The following BRMS1L variants were observed in gnomAD, a reference collection of about 807,000 sequenced individuals.
The protein encoded by BRMS1L is BRMS1 like transcriptional repressor, also known as breast cancer metastasis-suppressor 1-like protein.
A neutral mutation model predicts 50.3 loss-of-function variants in BRMS1L; 23 were observed. The observed-to-expected ratio is 0.46, with a 90% CI of 0.33 to 0.65. The LOEUF is 0.65. Ranked by LOEUF, BRMS1L falls within the 30% of genes least tolerant of loss-of-function variation. The probability of loss-of-function intolerance (pLI) is 0.02; values close to 1 mark genes in which losing one functional copy is unlikely to be tolerated. For synonymous variants in BRMS1L, 114 were observed against 126.9 expected (o/e 0.90, Z 0.69); for missense variants, 286 against 386.1 (o/e 0.74, Z 2.17).
At chr14:35,831,589 C>A in intron 2 of BRMS1L, 89 bp downstream of exon 2, 2 of 974,678 alleles carry the variant, frequency 2.1e-6, no homozygotes. Flanking sequence ...TCAGTCTCAG[C>A]TGTTTTGTAT....
intron 6 of BRMS1L, among the ~76,000 whole-genome samples, chr14:35,864,384 C>T (rs1022059929): frequency 6.6e-6 from 1 of 152,086 alleles, no homozygotes; most frequent in Non-Finnish European, 1.5e-5. Flanking sequence ...ACCTTAGCCT[C>T]CCAAGTAGCT....
At chr14:35,827,094 A>C (rs140931690) in intron 1 of BRMS1L, among the ~76,000 whole-genome samples, 1 of 152,362 alleles carries the variant, frequency 6.6e-6, no homozygotes, top group East Asian at 1.9e-4. Flanking sequence ...TTGCAAGTCA[A>C]CTTGCCGGTC....
At position 35,871,426 on chromosome 14, in the gene BRMS1L, A is replaced by G. The variant is rs982924824; in HGVS notation, c.*949A>G. ...ATATTTTTTTCTTTGGTATTTCTAC[A>G]CTTTAAGGCCATTTGGTGCAATTTA... On this transcript the variant is annotated 3_prime_UTR_variant, in exon 10 of 10. Coordinates refer to ENST00000216807, the MANE Select transcript of BRMS1L (RefSeq NM_032352.4). 1 of 152,626 alleles carries G rather than the reference A, an allele frequency of 6.6e-6. No individual in the cohort carries two copies. Among genetic ancestry groups the G allele is most frequent in the African/African-American group, 2.4e-5 (1 of 41,444 alleles). The allele number at this position is 152,626 out of a possible 1,614,324, so 9.5% of individuals were successfully genotyped here.
At chr14:35,844,425 C>T (rs898165408) in intron 4 of BRMS1L, among the ~76,000 whole-genome samples, 1 of 152,152 alleles carries the variant, frequency 6.6e-6, no homozygotes, top group South Asian at 2.1e-4. Flanking sequence ...TCATGGCTCC[C>T]CTTGGCTAGG....
chr14:35,841,813 T>C (rs1158652532), intron 4 of BRMS1L, among the ~76,000 whole-genome samples: 1 of 152,108 alleles, frequency 6.6e-6, no homozygotes, highest in Non-Finnish European at 1.5e-5. Flanking sequence ...GGGAGTCTCT[T>C]TGTAGGTCTC....
rs1373845294 is a variant in BRMS1L at position 35,867,999 on chromosome 14, T to C, written c.821T>C (p.Ile274Thr). Residue 274 changes from isoleucine to threonine, a missense_variant, in exon 9 of 10, where the codon ATA becomes ACA. By Grantham distance (89) the Ile-to-Thr change is moderately conservative. Around this residue, in one of 5 missense-constraint regions of BRMS1L, gnomAD observed 49 missense variants for 39.1 expected, o/e 1.25. Coordinates refer to ENST00000216807, the MANE Select transcript of BRMS1L (RefSeq NM_032352.4). The stretch of plus-strand genomic sequence containing the variant: ...GAATGGTATATACGTGGACAAACAA[T>C]ATGTATTGATAAAAAAGATGAATGT... ...DGEWYIRGQT[I>T]CIDKKDECPT... 2.4e-5 allele frequency: 39 copies of C among 1,608,126 alleles called. No homozygotes were observed. The highest frequency in any genetic ancestry group is 3.3e-5 in the Non-Finnish European group (39 of 1,178,090).
At chr14:35,829,958 C>T in intron 1 of BRMS1L, 1 of 601,744 alleles carries the variant, frequency 1.7e-6, no homozygotes. Context: ...TCCTCATTTG[C>T]CTCTTTCTCA....
chr14:35,847,566 T>C (rs1205198505), intron 4 of BRMS1L, among the ~76,000 whole-genome samples: 1 of 152,238 alleles, frequency 6.6e-6, no homozygotes, highest in Non-Finnish European at 1.5e-5. Flanking sequence ...CTCTTCAAAA[T>C]AGTAAAGTCA....
At position 35,826,675 on chromosome 14, in the gene BRMS1L, T is replaced by G. The variant is rs1161608761; in HGVS notation, c.142+17T>G. 5 of 1,609,046 alleles carry G rather than the reference T, an allele frequency of 3.1e-6. No individual in the cohort carries two copies. Among genetic ancestry groups the G allele is most frequent in the Non-Finnish European group, 4.2e-6 (5 of 1,178,372 alleles). ...ATAGCTCAGGTGCGCGACCCACTGCTGGGACCCTGAGTCCCCGCGCCCAGC... is the reference window on the plus strand; with the variant it reads ...ATAGCTCAGGTGCGCGACCCACTGCGGGGACCCTGAGTCCCCGCGCCCAGC... On this transcript the variant is annotated intron_variant, in intron 1 of 9. Transcript: ENST00000216807.
At chr14:35,841,130 G>T (rs924200117) in intron 4 of BRMS1L, among the ~76,000 whole-genome samples, 6 of 151,880 alleles carry the variant, frequency 4.0e-5, no homozygotes, top group Admixed American at 3.9e-4. Flanking sequence ...TTCAGGAGCC[G>T]GTTGTACAGT....
intron 4 of BRMS1L, among the ~76,000 whole-genome samples, chr14:35,844,052 G>T (rs1207921357): frequency 6.6e-6 from 1 of 152,160 alleles, no homozygotes; most frequent in African/African-American, 2.4e-5. Context: ...AAGCTCAAGT[G>T]TCCCAGGTCA....
At chr14:35,832,949 A>G (rs1343008668) in intron 2 of BRMS1L, 29 bp from the exon 3 acceptor site, 1 of 1,567,628 alleles carries the variant, frequency 6.4e-7, no homozygotes. Context: ...AGATTTTTAA[A>G]TTAACATATT....
intron 4 of BRMS1L, among the ~76,000 whole-genome samples, chr14:35,861,869 T>C (rs561727627): frequency 6.6e-5 from 10 of 152,294 alleles, no homozygotes; most frequent in African/African-American, 2.4e-4. Context: ...CATGTGGCCA[T>C]AGGTTTTTTT....
intron 4 of BRMS1L, among the ~76,000 whole-genome samples, chr14:35,854,463 A>G (rs1374773963): frequency 6.6e-6 from 1 of 151,884 alleles, no homozygotes; most frequent in African/African-American, 2.4e-5. Flanking sequence ...CTCTTGGTTG[A>G]TCTTTGGTTT....
intron 4 of BRMS1L, among the ~76,000 whole-genome samples, chr14:35,860,248 G>T (rs1206404232): frequency 6.6e-6 from 1 of 152,032 alleles, no homozygotes; most frequent in East Asian, 1.9e-4. Context: ...TAGTGCCTCA[G>T]CCTCCTGAGT....
At chr14:35,850,211 T>TC in intron 4 of BRMS1L, among the ~76,000 whole-genome samples, 1 of 145,962 alleles carries the variant, frequency 6.9e-6, no homozygotes, top group East Asian at 2.0e-4. Flanking sequence ...TGCCTTTTCT[T>TC]TTTTTTTTTT....
intron 3 of BRMS1L, among the ~76,000 whole-genome samples, chr14:35,833,924 C>T (rs1044476061): frequency 6.6e-6 from 1 of 152,136 alleles, no homozygotes; most frequent in African/African-American, 2.4e-5. Flanking sequence ...TGATACTCTT[C>T]ACTGCTATCT....
intron 4 of BRMS1L, among the ~76,000 whole-genome samples, chr14:35,836,716 T>A (rs1016367621): frequency 1.3e-5 from 2 of 152,216 alleles, no homozygotes; most frequent in Non-Finnish European, 1.5e-5. Context: ...ATATTTAGAT[T>A]GCAAAACTAC....
At chr14:35,861,701 CAA>C (rs1168370091) in intron 4 of BRMS1L, among the ~76,000 whole-genome samples, 2 of 152,160 alleles carry the variant, frequency 1.3e-5, no homozygotes, top group Non-Finnish European at 2.9e-5. Context: ...ATTTCAGACT[CAA>C]GAGAGAGGGC....
Sources: gnomAD v4.1 joint callset for allele counts (sites outside exome capture counted in the v4.1 genomes callset) on GRCh38, gnomAD v4.1.1 for gene constraint, gnomAD v4.1.1 regional missense constraint, MANE v1.5 for transcripts, NCBI Gene and HGNC (gene_info 2026-07-23, HGNC 2026-07-21) for gene names.